The following ZC3H14 variants were observed in gnomAD, a reference collection of about 807,000 sequenced individuals.
ZC3H14 encodes the protein zinc finger CCCH domain-containing protein 14.
A neutral mutation model predicts 92.4 loss-of-function variants in ZC3H14; 31 were observed. The observed-to-expected ratio is 0.34, with a 90% CI of 0.25 to 0.45. The LOEUF (loss-of-function observed/expected upper bound fraction) is 0.45, where lower values mean the gene tolerates loss of function less well. ZC3H14 is among the 20% of genes least tolerant of loss of function. ZC3H14 has a pLI of 1.00. For missense variants in ZC3H14, 781 were observed against 897.3 expected (o/e 0.87, Z 1.66); for synonymous variants, 321 against 300.9 (o/e 1.07, Z -0.69).
intron 12 of ZC3H14, among the ~76,000 whole-genome samples, chr14:88,604,509 A>G (rs983243523): frequency 6.6e-6 from 1 of 152,000 alleles, no homozygotes; most frequent in African/African-American, 2.4e-5. Flanking sequence ...GGTTGTTTCA[A>G]GGATGCTACC....
At position 88,602,917 on chromosome 14, in the gene ZC3H14, A is replaced by C. The variant is rs994613304; in HGVS notation, c.1604A>C (p.Gln535Pro). 3 of 1,614,060 alleles carry C rather than the reference A, an allele frequency of 1.9e-6. No homozygotes were observed. The African/African-American group carries it at 4.0e-5, about 22-fold the overall frequency. Residue 535 changes from glutamine to proline, a missense_variant, in exon 12 of 17, where the codon CAA becomes CCA. By Grantham distance (76) the Gln-to-Pro change is moderately conservative (BLOSUM62 -1). Coordinates refer to ENST00000251038, the MANE Select transcript of ZC3H14 (RefSeq NM_024824.5). ...AGCCCCCCAGGATACATGTCAGATC[A>C]AGAGGAGGACATGTGCTTTGAAGGA... ...VPSPPGYMSD[Q>P]EEDMCFEGMK...
intron 1 of ZC3H14, chr14:88,563,415 C>T (rs1349381136): frequency 1.7e-5 from 24 of 1,429,440 alleles, no homozygotes; most frequent in Non-Finnish European, 2.1e-5. Context: ...GCTGGAGCCA[C>T]CACCGCGGCG....
In ZC3H14 at chr14:88,611,962, T is replaced by C; in HGVS notation, c.*211T>C. The C allele has an allele frequency of 7.6e-6, 5 of 659,188 alleles. 1 individual carries two copies. The South Asian group carries it at 8.1e-5, about 11-fold the overall frequency. The allele number at this position is 659,188 out of a possible 1,614,324, so 40.8% of individuals were successfully genotyped here. A position where few individuals can be genotyped will look rare whatever the true frequency, so the allele number is the denominator to read the frequency against. ...ACATTGGGTGTTTTTGTTTTGTTTTTACTATGAAAAGACAGCTTAAGGAAG... is the reference window on the plus strand; with the variant it reads ...ACATTGGGTGTTTTTGTTTTGTTTTCACTATGAAAAGACAGCTTAAGGAAG... On this transcript the variant is annotated 3_prime_UTR_variant, in exon 17 of 17. Coordinates refer to ENST00000251038, the MANE Select transcript of ZC3H14 (RefSeq NM_024824.5).
chr14:88,599,743 T>G (rs961008152), intron 10 of ZC3H14, among the ~76,000 whole-genome samples: 2 of 152,198 alleles, frequency 1.3e-5, no homozygotes, highest in Non-Finnish European at 2.9e-5. Flanking sequence ...TATTTTCATC[T>G]CTTCTGTGTT....
At chr14:88,565,950 C>T (rs927113712) in intron 2 of ZC3H14, among the ~76,000 whole-genome samples, 29 of 147,248 alleles carry the variant, frequency 2.0e-4, no homozygotes, top group Middle Eastern at 3.4e-3. Flanking sequence ...TCACTGCAAC[C>T]TCCGCCTCCC....
At position 88,625,208 on chromosome 14, in the gene ZC3H14, T is replaced by G; in HGVS notation, c.*13457T>G. The G allele has an allele frequency of 1.4e-6, 2 of 1,475,658 alleles. No individual in the cohort carries two copies. The highest frequency in any genetic ancestry group is 2.6e-5 in the South Asian group (2 of 75,974). The allele number at this position is 1,475,658 out of a possible 1,614,324, so 91.4% of individuals were successfully genotyped here. On this transcript the variant is annotated 3_prime_UTR_variant, in exon 17 of 17. Transcript: ENST00000251038. ...AAATAGATAATTTTCTATGTATGTG[T>G]AATGCTGTCTCACCCTTGATACAAA...
chr14:88,595,132 A>T (rs1187917294), intron 9 of ZC3H14: 2 of 1,603,516 alleles, frequency 1.2e-6, no homozygotes, highest in Non-Finnish European at 1.7e-6. Context: ...AATATATGAT[A>T]TGTTCTAGGT....
chr14:88,584,827 T>G (rs1478660949), intron 9 of ZC3H14, among the ~76,000 whole-genome samples: 2 of 151,982 alleles, frequency 1.3e-5, no homozygotes, highest in Non-Finnish European at 2.9e-5. Flanking sequence ...TCCCAAGAAG[T>G]AGAGAAAAGT....
At chr14:88,581,425 G>A (rs1018637840) in intron 9 of ZC3H14, among the ~76,000 whole-genome samples, 1 of 152,118 alleles carries the variant, frequency 6.6e-6, no homozygotes, top group African/African-American at 2.4e-5. Flanking sequence ...GCTGGGTGTT[G>A]TGGTGTGCGC....
chr14:88,615,709 C>T lies in ZC3H14; in HGVS notation c.*3958C>T. ...TTTTGATGATTCTGGGCATTTCTCCCTGTTACAGTCTTGGGTTAGCACCAC... is the reference window on the plus strand; with the variant it reads ...TTTTGATGATTCTGGGCATTTCTCCTTGTTACAGTCTTGGGTTAGCACCAC... On this transcript the variant is annotated 3_prime_UTR_variant, in exon 17 of 17. Transcript: ENST00000251038. 2 of 977,972 alleles carry T rather than the reference C, an allele frequency of 2.0e-6. No homozygotes were observed. Among genetic ancestry groups the T allele is most frequent in the Non-Finnish European group, 1.5e-6 (1 of 652,830 alleles). 60.6% of individuals were successfully genotyped at this position (977,972 alleles called of 1,614,324 possible).
rs967483227 is a variant in ZC3H14, at chr14:88,571,927, G to A, written c.236-103G>A. On this transcript the variant is annotated intron_variant, in intron 4 of 16. Coordinates refer to ENST00000251038, the MANE Select transcript of ZC3H14 (RefSeq NM_024824.5). ...TGCAGGGAGCCGAGAACGCGCCACT[G>A]CCCTCCAGCCTGGCGACAGAGCGAG... is the stretch of plus-strand genomic sequence containing the variant. 26 of 944,000 alleles carry A rather than the reference G, an allele frequency of 2.8e-5. No homozygotes were observed. The African/African-American group carries it at 4.5e-4, about 16-fold the overall frequency. 58.5% of individuals were successfully genotyped at this position (944,000 alleles called of 1,614,324 possible). A position where few individuals can be genotyped will look rare whatever the true frequency, so the allele number is the denominator to read the frequency against.
chr14:88,563,580 C>T (rs1162074523), intron 1 of ZC3H14, 71 bp from the exon 2 acceptor site: 7 of 1,596,822 alleles, frequency 4.4e-6, no homozygotes, highest in Non-Finnish European at 5.2e-6. Flanking sequence ...GTGGCCTCAG[C>T]CGCTGCAGAG....
At chr14:88,576,299 A>C (rs1010131588) in intron 8 of ZC3H14, among the ~76,000 whole-genome samples, 2 of 152,238 alleles carry the variant, frequency 1.3e-5, no homozygotes, top group Non-Finnish European at 2.9e-5. Context: ...AGGGGAGTAC[A>C]ATTGGACAAT....
Position 88,621,114 on chromosome 14 carries a change from T to G in ZC3H14, c.*9363T>G. The G allele has an allele frequency of 2.5e-6, 4 of 1,613,494 alleles. No individual in the cohort carries two copies. The highest frequency in any genetic ancestry group is 3.4e-6 in the Non-Finnish European group (4 of 1,179,720). On this transcript the variant is annotated 3_prime_UTR_variant, in exon 17 of 17. Coordinates refer to ENST00000251038, the MANE Select transcript of ZC3H14 (RefSeq NM_024824.5). ...TTTAAAAAAATTATCTGTACTTACT[T>G]TATCAGCAATATCCCAAAGTCTCAC...
At chr14:88,605,131 G>C (rs961971087) in intron 12 of ZC3H14, among the ~76,000 whole-genome samples, 2 of 151,988 alleles carry the variant, frequency 1.3e-5, no homozygotes, top group African/African-American at 4.8e-5. Flanking sequence ...GGCTTCTCTT[G>C]GGTATTCTCT....
intron 9 of ZC3H14, among the ~76,000 whole-genome samples, chr14:88,584,468 CACAA>C (rs2082256734): frequency 6.6e-6 from 1 of 152,122 alleles, no homozygotes. Context: ...AATATATGCA[CACAA>C]ACACAGACTT....
At chr14:88,611,683 A>C (rs1237266615) in intron 16 of ZC3H14, 62 bp from the exon 17 acceptor site, 2 of 1,600,932 alleles carry the variant, frequency 1.2e-6, no homozygotes, top group East Asian at 2.2e-5. Flanking sequence ...TTAAACTGAG[A>C]TATATGGTAT....
rs1473184418 is a variant in ZC3H14, at chr14:88,626,300, G to C, written c.*14549G>C. On this transcript the variant is annotated 3_prime_UTR_variant, in exon 17 of 17. Coordinates refer to ENST00000251038, the MANE Select transcript of ZC3H14 (RefSeq NM_024824.5). ...AATTAGAAGATTAAGGAAGGCTTTT[G>C]AGTATAACAGTAGTCCAAGGAATCA... 1 of 152,758 alleles carries C rather than the reference G, an allele frequency of 6.5e-6. No individual in the cohort carries two copies. Among genetic ancestry groups the C allele is most frequent in the Non-Finnish European group, 1.5e-5 (1 of 68,460 alleles). 9.5% of individuals were successfully genotyped at this position (152,758 alleles called of 1,614,324 possible).
At chr14:88,590,735 G>A (rs1424778972) in intron 9 of ZC3H14, 2 of 152,128 alleles carry the variant, frequency 1.3e-5, no homozygotes, top group African/African-American at 4.8e-5. Flanking sequence ...CTCCTTCCCC[G>A]TCTCAACAGA....
Sources: allele counts gnomAD v4.1 joint callset (sites outside exome capture counted in the v4.1 genomes callset), GRCh38; gene constraint gnomAD v4.1.1; transcripts MANE v1.5; gene names NCBI Gene and HGNC (gene_info 2026-07-23, HGNC 2026-07-21).